Variants in CNTN4 observed in about 807,000 individuals in gnomAD.
The protein encoded by CNTN4 is contactin 4.
In CNTN4, 77 loss-of-function variants were observed where a neutral mutation model predicts 122.5. The ratio of observed to expected loss-of-function variants is 0.63; its 90% CI spans 0.52 to 0.76. CNTN4 has a LOEUF of 0.76. CNTN4 is among the 30% of genes least tolerant of loss of function. CNTN4 has a pLI of 0.00. For synonymous variants in CNTN4, 512 were observed against 447.0 expected, an observed-to-expected ratio of 1.15 and a Z score of -1.83; for missense variants, 1,256 against 1,259.1, an observed-to-expected ratio of 1.00 and a Z score of 0.04.
At chr3:3,036,492 G>C (rs1335069659) in intron 17 of CNTN4, among the ~76,000 whole-genome samples, 2 of 152,178 alleles carry the variant, frequency 1.3e-5, no homozygotes, top group Non-Finnish European at 2.9e-5. Flanking sequence ...GCCAGGCGCA[G>C]TGGCTCACAA....
intron 10 of CNTN4, among the ~76,000 whole-genome samples, chr3:2,890,156 T>G (rs1323433027): frequency 6.6e-6 from 1 of 152,232 alleles, no homozygotes; most frequent in African/African-American, 2.4e-5. Context: ...TTATGTTTAT[T>G]CTTTTGTTTT....
chr3:2,974,411 C>T (rs986701919), intron 13 of CNTN4, among the ~76,000 whole-genome samples: 3 of 152,192 alleles, frequency 2.0e-5, no homozygotes, highest in Admixed American at 1.3e-4. Context: ...CATGCACCAT[C>T]ACAGGCTTAA....
At chr3:2,656,422 A>G (rs1035381032) in intron 4 of CNTN4, among the ~76,000 whole-genome samples, 3 of 152,234 alleles carry the variant, frequency 2.0e-5, no homozygotes, top group African/African-American at 7.2e-5. Flanking sequence ...TCTTTAGAGC[A>G]TGTTTCACCA....
chr3:2,968,631 A>G (rs1265175243), intron 13 of CNTN4, among the ~76,000 whole-genome samples: 1 of 152,204 alleles, frequency 6.6e-6, no homozygotes, highest in South Asian at 2.1e-4. Flanking sequence ...GTCCACCACT[A>G]CTACCACCAC....
chr3:2,221,875 T>TA (rs892966872), intron 2 of CNTN4, among the ~76,000 whole-genome samples: 2 of 152,048 alleles, frequency 1.3e-5, no homozygotes, highest in Non-Finnish European at 1.5e-5. Context: ...ATGGTTAAAA[T>TA]AAAAAAGACA....
intron 6 of CNTN4, among the ~76,000 whole-genome samples, chr3:2,801,367 T>A (rs2092342109): frequency 6.6e-6 from 1 of 152,206 alleles, no homozygotes; most frequent in Admixed American, 6.5e-5. Flanking sequence ...ACTCAAGCTG[T>A]GAAAGCAGTG....
intron 2 of CNTN4, among the ~76,000 whole-genome samples, chr3:2,208,104 G>T (rs970850498): frequency 6.6e-6 from 1 of 152,072 alleles, no homozygotes; most frequent in Non-Finnish European, 1.5e-5. Flanking sequence ...AATTATTTAA[G>T]ATATATACTT....
chr3:2,422,219 C>G (rs1202821688), intron 3 of CNTN4, among the ~76,000 whole-genome samples: 1 of 151,958 alleles, frequency 6.6e-6, no homozygotes, highest in African/African-American at 2.4e-5. Flanking sequence ...TTGTGTTATC[C>G]CCTGCTCCTT....
intron 10 of CNTN4, among the ~76,000 whole-genome samples, chr3:2,894,835 A>G (rs2088608): frequency 0.041 from 6,272 of 152,286 alleles, 425 homozygotes; most frequent in African/African-American, 0.14. Context: ...CTGATTTACA[A>G]TGTTTTTATT....
chr3:2,638,448 T>G (rs1316835852), intron 4 of CNTN4, among the ~76,000 whole-genome samples: 2 of 152,144 alleles, frequency 1.3e-5, no homozygotes, highest in Non-Finnish European at 2.9e-5. Flanking sequence ...TAAAGAAAGT[T>G]GCGGTTTACA....
chr3:3,042,883 T>C, intron 21 of CNTN4, 94 bp from the exon 22 acceptor site: 1 of 990,328 alleles, frequency 1.0e-6, no homozygotes, highest in Non-Finnish European at 1.6e-6. Context: ...GAAAACTAAC[T>C]CCATCATAAG....
intron 3 of CNTN4, among the ~76,000 whole-genome samples, chr3:2,473,262 G>C (rs925508022): frequency 6.8e-6 from 1 of 147,736 alleles, no homozygotes; most frequent in Admixed American, 6.7e-5. Context: ...ACACCTGCCA[G>C]CATTACTCTC....
chr3:2,171,685 A>G (rs1335713470), intron 2 of CNTN4, among the ~76,000 whole-genome samples: 11 of 152,158 alleles, frequency 7.2e-5, no homozygotes. Flanking sequence ...AGGTAAGTAC[A>G]CTCACTGTTA....
chr3:2,779,816 G>A (rs777452231), intron 6 of CNTN4, among the ~76,000 whole-genome samples: 4 of 151,996 alleles, frequency 2.6e-5, no homozygotes, highest in Non-Finnish European at 5.9e-5. Context: ...AAAATGAGGG[G>A]GAAAATTCTT....
At chr3:2,523,190 C>T (rs1187652018) in intron 3 of CNTN4, among the ~76,000 whole-genome samples, 3 of 151,908 alleles carry the variant, frequency 2.0e-5, no homozygotes, top group Non-Finnish European at 4.4e-5. Flanking sequence ...ATGAAAGACA[C>T]TCTTGTTTGT....
intron 2 of CNTN4, among the ~76,000 whole-genome samples, chr3:2,260,148 C>G (rs1356682788): frequency 6.6e-6 from 1 of 152,080 alleles, no homozygotes; most frequent in Admixed American, 6.6e-5. Context: ...CTTTTACTTT[C>G]TACCACATAA....
chr3:2,780,397 A>G (rs945277976), intron 6 of CNTN4, among the ~76,000 whole-genome samples: 1 of 152,304 alleles, frequency 6.6e-6, no homozygotes, highest in East Asian at 1.9e-4. Flanking sequence ...TAAAATCTCT[A>G]AAAGGCTCTG....
intron 3 of CNTN4, among the ~76,000 whole-genome samples, chr3:2,525,846 C>A (rs2077379332): frequency 6.6e-6 from 1 of 152,076 alleles, no homozygotes; most frequent in Non-Finnish European, 1.5e-5. Flanking sequence ...TATGATGAAA[C>A]ATTTTATATA....
At chr3:2,482,638 TATGC>T (rs1209161264) in intron 3 of CNTN4, among the ~76,000 whole-genome samples, 1 of 152,106 alleles carries the variant, frequency 6.6e-6, no homozygotes, top group African/African-American at 2.4e-5. Context: ...ACCCCTGCTT[TATGC>T]AGCTTAGGGA....
Sources: allele counts gnomAD v4.1 joint callset (sites outside exome capture counted in the v4.1 genomes callset), GRCh38; gene constraint gnomAD v4.1.1; transcripts MANE v1.5; gene names NCBI Gene and HGNC (gene_info 2026-07-23, HGNC 2026-07-21).